The following NDUFAF6 variants were observed in gnomAD, a reference collection of about 807,000 sequenced individuals.
NDUFAF6 encodes the protein NADH dehydrogenase (ubiquinone) complex I, assembly factor 6.
NDUFAF6 carries 45 observed loss-of-function variants against 40.8 expected under a neutral mutation model. The observed-to-expected ratio is 1.10, with a 90% CI of 0.87 to 1.42. The LOEUF is 1.42. Among genes scored for constraint, NDUFAF6 ranks in the 40% most tolerant of loss-of-function variants. The pLI is 0.00. For missense variants in NDUFAF6, 435 were observed against 418.5 expected (o/e 1.04, Z -0.34); for synonymous variants, 185 against 155.9 (o/e 1.19, Z -1.39).
chr8:95,012,167 G>T (rs1827251659), intron 2 of NDUFAF6, among the ~76,000 whole-genome samples: 1 of 152,078 alleles, frequency 6.6e-6, no homozygotes, highest in Non-Finnish European at 1.5e-5. Context: ...ATTTTAATTT[G>T]CATTTCCCTG....
chr8:94,935,176 T>TAGATAGATAG (rs1563725845), intron 1 of NDUFAF6, among the ~76,000 whole-genome samples: 27 of 80,944 alleles, frequency 3.3e-4, no homozygotes, highest in African/African-American at 1.1e-3. Flanking sequence ...TAGATAGATA[T>TAGATAGATAG]AATACAATAC....
In NDUFAF6 at chr8:95,035,455, T is replaced by A; in HGVS notation, c.299T>A (p.Val100Asp). 6.2e-7 allele frequency: 1 copy of A among 1,613,764 alleles called. No individual in the cohort carries two copies. The highest frequency in any genetic ancestry group is 8.5e-7 in the Non-Finnish European group (1 of 1,179,830). The change falls in exon 3 of 9, where the codon GTT becomes GAT. Residue 100 changes from valine (V) to aspartate (D), a missense_variant and splice_region_variant. Val to Asp is a radical substitution (Grantham distance 152). Coordinates refer to ENST00000396124, the MANE Select transcript of NDUFAF6 (RefSeq NM_152416.4). The part of the protein sequence containing the change: ...LRAFNVELAQ[V>D]KDSVSEKTIG... Reference sequence around the variant, plus strand: ...AAAGTTTTTAAACCCTGTTTATAGGTTAAAGACTCAGTCTCTGAGAAAACA... The same window carrying A: ...AAAGTTTTTAAACCCTGTTTATAGGATAAAGACTCAGTCTCTGAGAAAACA...
In NDUFAF6 at chr8:95,051,509, G is replaced by C. The variant is rs1831427071; in HGVS notation, c.817-665G>C. Among the ~76,000 whole-genome samples, 3 of 152,254 alleles carry C rather than the reference G, an allele frequency of 2.0e-5. No individual in the cohort carries two copies. The South Asian group carries it at 6.2e-4, about 32-fold the overall frequency. ...GTCAGGAAGTAGAGGGCTTTTCCTG[G>C]TGTTAGGGACAATATAAATGAAGAC... On this transcript the variant is annotated intron_variant, in intron 7 of 8. Coordinates refer to ENST00000396124, the MANE Select transcript of NDUFAF6 (RefSeq NM_152416.4).
At chr8:94,904,150 TTG>T (rs1417830411) in intron 1 of NDUFAF6, among the ~76,000 whole-genome samples, 2 of 149,654 alleles carry the variant, frequency 1.3e-5, no homozygotes, top group African/African-American at 5.1e-5. Context: ...TTTTTGTTTT[TTG>T]GTTTTTTTTG....
At chr8:94,951,690 C>T (rs750174013) in intron 2 of NDUFAF6, among the ~76,000 whole-genome samples, 12 of 152,312 alleles carry the variant, frequency 7.9e-5, no homozygotes, top group Non-Finnish European at 1.6e-4. Context: ...ACTGTTGGAG[C>T]ATAATAATAA....
At chr8:94,912,495 A>G (rs1359448063) in intron 1 of NDUFAF6, among the ~76,000 whole-genome samples, 3 of 152,206 alleles carry the variant, frequency 2.0e-5, no homozygotes, top group Non-Finnish European at 2.9e-5. Context: ...TCTGTAGTTT[A>G]TTTAAATAAT....
intron 1 of NDUFAF6, among the ~76,000 whole-genome samples, chr8:94,925,759 C>T (rs757501842): frequency 3.3e-5 from 5 of 152,116 alleles, no homozygotes; most frequent in South Asian, 2.1e-4. Flanking sequence ...AGGCTGATCT[C>T]GAACTTCTGG....
At chr8:95,100,204 T>C (rs1478995876), upstream of NDUFAF6, among the ~76,000 whole-genome samples, 1 of 151,482 alleles carries the variant, frequency 6.6e-6, no homozygotes, top group East Asian at 1.9e-4. Flanking sequence ...GAAATGAGGA[T>C]ACCCGTAAGA....
rs1827919873 is a variant in NDUFAF6 at position 95,025,065 on chromosome 8, C to T, written c.57C>T (p.Gly19=). 2 of 1,434,616 alleles carry T rather than the reference C, an allele frequency of 1.4e-6. No homozygotes were observed. The highest frequency in any genetic ancestry group is 1.8e-6 in the Non-Finnish European group (2 of 1,105,128). 88.9% of individuals were successfully genotyped at this position (1,434,616 alleles called of 1,614,324 possible). ...VWGPLRLGIP[G]LCCRRPPLGL... Reference sequence around the variant, plus strand: ...GGCCGTTGCGGCTTGGCATCCCCGGCCTGTGCTGCCGCCGGCCGCCTCTGG... The same window carrying T: ...GGCCGTTGCGGCTTGGCATCCCCGGTCTGTGCTGCCGCCGGCCGCCTCTGG... The change falls in exon 1 of 9, where the codon GGC becomes GGT. Residue 19 remains glycine, a synonymous_variant. Transcript: ENST00000396124.
chr8:94,979,484 T>C (rs1176869358), intron 1 of NDUFAF6, among the ~76,000 whole-genome samples: 1 of 152,204 alleles, frequency 6.6e-6, no homozygotes, highest in Non-Finnish European at 1.5e-5. Flanking sequence ...TCTTTTTGTA[T>C]CTTTTAAAAA....
At chr8:94,991,540 G>T (rs1267690546) in intron 2 of NDUFAF6, among the ~76,000 whole-genome samples, 2 of 152,086 alleles carry the variant, frequency 1.3e-5, no homozygotes, top group Admixed American at 1.3e-4. Context: ...AATCTAATCA[G>T]CTTATGTATG....
chr8:95,082,231 C>T (rs1563859392), intron 2 of NDUFAF6, among the ~76,000 whole-genome samples: 1 of 152,046 alleles, frequency 6.6e-6, no homozygotes, highest in Non-Finnish European at 1.5e-5. Flanking sequence ...AATCCCAGCA[C>T]TTTGGGAGGC....
chr8:94,964,378 A>G (rs1423130472), intron 1 of NDUFAF6, among the ~76,000 whole-genome samples: 2 of 149,390 alleles, frequency 1.3e-5, no homozygotes, highest in East Asian at 2.0e-4. Flanking sequence ...GCTGTGAGCT[A>G]TGATGATTCC....
At chr8:95,041,465 A>G (rs1050182961) in intron 3 of NDUFAF6, 105 bp from the exon 4 acceptor site, 46 of 783,962 alleles carry the variant, frequency 5.9e-5, no homozygotes, top group Non-Finnish European at 1.0e-4. Context: ...TGTTATTACA[A>G]ATGTTCCCTT....
At chr8:95,023,499 A>G (rs1241151941), upstream of NDUFAF6, among the ~76,000 whole-genome samples, 3 of 152,190 alleles carry the variant, frequency 2.0e-5, no homozygotes, top group African/African-American at 4.8e-5. Flanking sequence ...TGCATATAAC[A>G]CACAGTAAAT....
intron 1 of NDUFAF6, among the ~76,000 whole-genome samples, chr8:94,939,307 T>C (rs1475470467): frequency 6.6e-6 from 1 of 152,254 alleles, no homozygotes; most frequent in Non-Finnish European, 1.5e-5. Context: ...GCCAGTCTTA[T>C]TTCTAATCAG....
In NDUFAF6 at chr8:95,025,068, G is replaced by T; in HGVS notation, c.60G>T (p.Leu20=). ...WGPLRLGIPG[L]CCRRPPLGLY... The stretch of plus-strand genomic sequence containing the variant: ...CGTTGCGGCTTGGCATCCCCGGCCT[G>T]TGCTGCCGCCGGCCGCCTCTGGGTC... Residue 20 remains leucine (L), a synonymous_variant, in exon 1 of 9, where the codon CTG becomes CTT. Transcript: ENST00000396124. 6.9e-7 allele frequency: 1 copy of T among 1,441,904 alleles called. No individual in the cohort carries two copies. Among genetic ancestry groups the T allele is most frequent in the Non-Finnish European group, 9.0e-7 (1 of 1,108,494 alleles). The allele number at this position is 1,441,904 out of a possible 1,614,324, so 89.3% of individuals were successfully genotyped here.
At chr8:95,098,243 C>G (rs950279916), upstream of NDUFAF6, among the ~76,000 whole-genome samples, 1 of 152,210 alleles carries the variant, frequency 6.6e-6, no homozygotes, top group Non-Finnish European at 1.5e-5. Flanking sequence ...TCTTTAAAAA[C>G]TAGCTTCTGG....
At chr8:95,017,210 G>T (rs1827497932) in intron 2 of NDUFAF6, among the ~76,000 whole-genome samples, 1 of 151,284 alleles carries the variant, frequency 6.6e-6, no homozygotes, top group Admixed American at 6.6e-5. Flanking sequence ...CAAAATGCTG[G>T]GACTACAGGC....
Sources: gnomAD v4.1 joint callset for allele counts (sites outside exome capture counted in the v4.1 genomes callset) on GRCh38, gnomAD v4.1.1 for gene constraint, MANE v1.5 for transcripts, NCBI Gene and HGNC (gene_info 2026-07-23, HGNC 2026-07-21) for gene names.